The following HDLBP variants were observed in gnomAD, a reference collection of about 807,000 sequenced individuals.
HDLBP encodes high density lipoprotein binding protein.
In HDLBP, 30 loss-of-function variants were observed where a neutral mutation model predicts 137.3. That is an observed-to-expected ratio of 0.22 (90% CI 0.16 to 0.30). The LOEUF (loss-of-function observed/expected upper bound fraction) is 0.30, where lower values mean the gene tolerates loss of function less well. HDLBP is among the 10% of genes least tolerant of loss of function. HDLBP has a pLI of 1.00. For synonymous variants in HDLBP, 606 were observed against 596.0 expected, an observed-to-expected ratio of 1.02 and a Z score of -0.24; for missense variants, 1,119 against 1,667.3, an observed-to-expected ratio of 0.67 and a Z score of 5.73.
At chr2:241,312,496 T>G (rs1575067516) in intron 1 of HDLBP, among the ~76,000 whole-genome samples, 1 of 152,346 alleles carries the variant, frequency 6.6e-6, no homozygotes, top group East Asian at 1.9e-4. Context: ...CTTTTACAAT[T>G]GAAGAGAAAA....
chr2:241,237,087 C>T (rs562778577), intron 20 of HDLBP, among the ~76,000 whole-genome samples: 9 of 151,736 alleles, frequency 5.9e-5, no homozygotes, highest in African/African-American at 2.2e-4. Context: ...ACAGCAGAGG[C>T]TTCAGTGAGA....
At chr2:241,282,042 G>C (rs966191170) in intron 1 of HDLBP, among the ~76,000 whole-genome samples, 5 of 152,110 alleles carry the variant, frequency 3.3e-5, no homozygotes, top group African/African-American at 1.2e-4. Flanking sequence ...TTACATTAGG[G>C]GAAAAGAGTA....
intron 1 of HDLBP, among the ~76,000 whole-genome samples, chr2:241,300,315 C>A (rs1477927685): frequency 2.0e-5 from 3 of 152,122 alleles, no homozygotes; most frequent in Non-Finnish European, 4.4e-5. Flanking sequence ...AAAAGACGAA[C>A]AAGAGGCAAA....
intron 12 of HDLBP, among the ~76,000 whole-genome samples, chr2:241,249,626 C>T (rs2071958235): frequency 6.6e-6 from 1 of 152,252 alleles, no homozygotes; most frequent in Non-Finnish European, 1.5e-5. Flanking sequence ...CTGTGCCCTT[C>T]TAGCACAGCA....
chr2:241,259,246 C>T (rs945630794), intron 5 of HDLBP, among the ~76,000 whole-genome samples: 2 of 152,176 alleles, frequency 1.3e-5, no homozygotes, highest in African/African-American at 4.8e-5. Flanking sequence ...TTTGCTTCTG[C>T]TCTCAAACAA....
intron 3 of HDLBP, among the ~76,000 whole-genome samples, chr2:241,265,882 G>T (rs533208111): frequency 6.6e-6 from 1 of 152,296 alleles, no homozygotes; most frequent in East Asian, 1.9e-4. Flanking sequence ...GAGGATCCCA[G>T]GCCCCCAGAA....
chr2:241,293,598 C>T (rs1000089054), intron 1 of HDLBP, among the ~76,000 whole-genome samples: 2 of 149,694 alleles, frequency 1.3e-5, no homozygotes, highest in East Asian at 2.0e-4. Context: ...GGTGACAGAG[C>T]GAGACTCTGC....
intron 1 of HDLBP, among the ~76,000 whole-genome samples, chr2:241,285,513 T>A (rs2074770555): frequency 6.6e-6 from 1 of 152,230 alleles, no homozygotes; most frequent in African/African-American, 2.4e-5. Context: ...ATTGATGTCA[T>A]GAGCAGAGTG....
rs1243642652 is a variant in HDLBP at position 241,242,657 on chromosome 2, C to T, written c.1972G>A (p.Val658Ile). The change falls in exon 17 of 28, where the codon GTC becomes ATC. Residue 658 changes from valine to isoleucine, a missense_variant. Around this residue, in one of 4 missense-constraint regions of HDLBP, gnomAD observed 425 missense variants for 693.9 expected, o/e 0.61. Coordinates refer to ENST00000310931, the MANE Select transcript of HDLBP (RefSeq NM_005336.6). ...TTGTGCAGCTTGGCAGGGATGGAGA[C>T]CTCTACCTCGGCTATGTTGGCCTGA... Reference protein sequence around the residue: ...KDLANIAEVEVSIPAKLHNSL... With the variant: ...KDLANIAEVEISIPAKLHNSL... 6.2e-7 allele frequency: 1 copy of T among 1,613,886 alleles called. No individual in the cohort carries two copies. The highest frequency in any genetic ancestry group is 1.7e-5 in the Admixed American group (1 of 59,978).
chr2:241,248,142 G>A (rs1178306832), intron 13 of HDLBP, 26 bp from the exon 14 acceptor site: 10 of 1,586,926 alleles, frequency 6.3e-6, no homozygotes, highest in Non-Finnish European at 8.7e-6. Flanking sequence ...GGGAGACTAA[G>A]TTCAAGTATG....
intron 1 of HDLBP, among the ~76,000 whole-genome samples, chr2:241,278,023 T>C (rs2074459059): frequency 6.6e-6 from 1 of 152,108 alleles, no homozygotes; most frequent in African/African-American, 2.4e-5. Flanking sequence ...CTCCAAATGC[T>C]TTTGTAAGGA....
At chr2:241,308,546 C>G (rs2075656376) in intron 1 of HDLBP, among the ~76,000 whole-genome samples, 1 of 152,200 alleles carries the variant, frequency 6.6e-6, no homozygotes, top group African/African-American at 2.4e-5. Context: ...TTAACCTACT[C>G]TGCTTTAAGA....
In HDLBP at chr2:241,229,414, G is replaced by T; in HGVS notation, c.*187C>A. 1.8e-6 allele frequency: 1 copy of T among 550,410 alleles called. No homozygotes were observed. The highest frequency in any genetic ancestry group is 3.1e-5 in the Admixed American group (1 of 31,886). 34.1% of individuals were successfully genotyped at this position (550,410 alleles called of 1,614,324 possible). ...TTAAACAGTGGAGCAGGTCCTGAGC[G>T]GGCACGGCCAGGCCTGGAGGAGCGG... On this transcript the variant is annotated 3_prime_UTR_variant, in exon 28 of 28. Transcript: ENST00000310931.
At chr2:241,229,791 C>CCCCCA in intron 27 of HDLBP, 42 bp downstream of exon 27, 1 of 1,553,454 alleles carries the variant, frequency 6.4e-7, no homozygotes, top group Non-Finnish European at 8.7e-7. Context: ...CCTGCCCGCC[C>CCCCCA]ACCCTCCCTG....
At chr2:241,256,941 G>T in intron 5 of HDLBP, 135 bp from the exon 6 acceptor site, 1 of 741,684 alleles carries the variant, frequency 1.3e-6, no homozygotes, top group Non-Finnish European at 2.2e-6. Flanking sequence ...CATTAAAACA[G>T]CATGAGCTTA....
rs2069529024 is a variant in HDLBP at position 241,229,934 on chromosome 2, G to A, written c.3619C>T (p.Leu1207=). The A allele has an allele frequency of 6.2e-7, 1 of 1,604,430 alleles. No homozygotes were observed. The highest frequency in any genetic ancestry group is 1.3e-5 in the African/African-American group (1 of 74,728). The part of the protein sequence containing the change: ...YLADVVDSEA[L]QVYMKPPAHE... ...GCTGGGGGTTTCATGTATACCTGCA[G>A]CGCCTCACTGTCCACCACGTCAGCT... The change falls in exon 27 of 28, where the codon CTG becomes TTG. Residue 1207 remains leucine (L), a synonymous_variant. Transcript: ENST00000310931.
chr2:241,282,406 C>A (rs1202929058), intron 1 of HDLBP, among the ~76,000 whole-genome samples: 2 of 152,120 alleles, frequency 1.3e-5, no homozygotes, highest in East Asian at 3.9e-4. Flanking sequence ...CTTTGGAGAG[C>A]GTACATATTT....
In HDLBP at chr2:241,239,345, C is replaced by T. The variant is rs999815291; in HGVS notation, c.2610+257G>A. ...TTCTCTTGCTTTCTTTCCTCTCTCT[C>T]TCTCCCCTCTCCTCTTCTCCTTCTC... On this transcript the variant is annotated intron_variant, in intron 19 of 27. Transcript: ENST00000310931. The surrounding 1 kb of genome is among the most constrained non-coding windows in gnomAD (Gnocchi z 4.6). 1.3e-5 allele frequency among the ~76,000 whole-genome samples: 2 copies of T among 152,098 alleles called. No homozygotes were observed. Among genetic ancestry groups the T allele is most frequent in the African/African-American group, 4.8e-5 (2 of 41,400 alleles).
intron 1 of HDLBP, among the ~76,000 whole-genome samples, chr2:241,285,241 T>C (rs191391339): frequency 5.9e-5 from 9 of 152,386 alleles, no homozygotes; most frequent in Admixed American, 1.3e-4. Context: ...ACAGCTTTTA[T>C]ATGCACTGGG....
Sources: gnomAD v4.1 joint callset for allele counts (sites outside exome capture counted in the v4.1 genomes callset) on GRCh38, gnomAD v4.1.1 for gene constraint, gnomAD v4.1.1 regional missense constraint, Gnocchi (gnomAD v3.1) non-coding constraint, MANE v1.5 for transcripts, NCBI Gene and HGNC (gene_info 2026-07-23, HGNC 2026-07-21) for gene names.